The following A2ML1 variants were observed in gnomAD, a reference collection of about 807,000 sequenced individuals.
A2ML1 encodes the protein alpha-2-macroglobulin like 1, also known as alpha-2-macroglobulin-like protein 1.
A neutral mutation model predicts 181.9 loss-of-function variants in A2ML1; 161 were observed. That is an observed-to-expected ratio of 0.89 (90% CI 0.78 to 1.01). The LOEUF is 1.01. Among genes scored for constraint, A2ML1 ranks in the 50% least tolerant of loss-of-function variants. The pLI is 0.00. For missense variants in A2ML1, 1,670 were observed against 1,768.1 expected, an observed-to-expected ratio of 0.94 and a Z score of 1.00; for synonymous variants, 663 against 666.8, an observed-to-expected ratio of 0.99 and a Z score of 0.09.
rs370579753 is a variant in A2ML1, at chr12:8,835,582, C to A, written c.559C>A (p.Leu187Met). ...AGGCATTGTAGACCTGTCCTTCCAA[C>A]TGGCACCAGAGGCAATGCTGGGCAC... ...EQGIVDLSFQ[L>M]APEAMLGTYT... The change falls in exon 6 of 36, where the codon CTG (leucine) becomes ATG (methionine). Residue 187 changes from leucine (L) to methionine (M), a missense_variant. Physicochemically the swap from Leu to Met is conservative, Grantham distance 15 (BLOSUM62 2). Transcript: ENST00000299698. The A allele has an allele frequency of 6.2e-7, 1 of 1,614,200 alleles. No individual in the cohort carries two copies. The highest frequency in any genetic ancestry group is 8.5e-7 in the Non-Finnish European group (1 of 1,180,028).
chr12:8,842,050 T>G (rs1943495888), intron 11 of A2ML1, among the ~76,000 whole-genome samples: 1 of 152,170 alleles, frequency 6.6e-6, no homozygotes, highest in East Asian at 1.9e-4. Context: ...CTCTGCTGAT[T>G]TCGATTTCCA....
intron 33 of A2ML1, 45 bp downstream of exon 33, chr12:8,869,248 T>C: frequency 6.3e-7 from 1 of 1,584,802 alleles, no homozygotes; most frequent in Non-Finnish European, 8.7e-7. Flanking sequence ...TGCTTACGGA[T>C]CTTCATGACT....
intron 26 of A2ML1, among the ~76,000 whole-genome samples, chr12:8,860,297 C>T (rs1012707723): frequency 5.9e-5 from 9 of 152,180 alleles, no homozygotes; most frequent in Non-Finnish European, 1.0e-4. Flanking sequence ...TCCCCACCGA[C>T]TTGGCCTCAA....
chr12:8,861,200 C>T lies in A2ML1; in HGVS notation c.3405C>T (p.Tyr1135=), dbSNP rs769255666. The change falls in exon 28 of 36, where the codon TAC becomes TAT. Residue 1135 remains tyrosine, a synonymous_variant. Coordinates refer to ENST00000299698, the MANE Select transcript of A2ML1 (RefSeq NM_144670.6). ...CGGCCACCTCCACGACCAACCTCTA[C>T]ACACAGGCCCTGTTGGCTTACATTT... ...KNSATSTTNL[Y]TQALLAYIFS... 1.5e-5 allele frequency: 25 copies of T among 1,614,072 alleles called. No individual in the cohort carries two copies. Among genetic ancestry groups the T allele is most frequent in the Non-Finnish European group, 2.0e-5 (24 of 1,180,052 alleles).
At chr12:8,828,810 G>C (rs1252866508) in intron 3 of A2ML1, among the ~76,000 whole-genome samples, 1 of 152,174 alleles carries the variant, frequency 6.6e-6, no homozygotes, top group Non-Finnish European at 1.5e-5. Flanking sequence ...GGGCTAATCG[G>C]AACTCAGCTT....
rs1555121401 is a variant in A2ML1, at chr12:8,886,027, C to CACACAT, written c.*95-475_*95-474insTACACA. ...ACAATATCTCACACACACACACACA[C>CACACAT]ACACACACACACACACACTATAGTT... On this transcript the variant is annotated intron_variant and NMD_transcript_variant, in intron 7 of 7. Transcript: ENST00000537475. Among the ~76,000 whole-genome samples, 3 of 151,712 alleles carry CACACAT rather than the reference C, an allele frequency of 2.0e-5. No individual in the cohort carries two copies. The East Asian group carries it at 5.8e-4, about 29-fold the overall frequency.
intron 12 of A2ML1, 70 bp downstream of exon 12, chr12:8,843,431 G>A (rs1360783822): frequency 6.8e-7 from 1 of 1,481,462 alleles, no homozygotes; most frequent in Non-Finnish European, 9.2e-7. Context: ...GTCAGCCAGA[G>A]GGTGCACCTA....
intron 26 of A2ML1, among the ~76,000 whole-genome samples, chr12:8,859,263 T>C (rs904810854): frequency 5.3e-5 from 8 of 152,002 alleles, no homozygotes; most frequent in African/African-American, 1.9e-4. Flanking sequence ...ACATTGCTAT[T>C]CCAGGGCAAG....
intron 10 of A2ML1, among the ~76,000 whole-genome samples, chr12:8,839,736 T>C (rs1943404273): frequency 6.6e-6 from 1 of 152,162 alleles, no homozygotes; most frequent in African/African-American, 2.4e-5. Flanking sequence ...TTTGTTTTTC[T>C]TTCTGTTTTT....
intron 29 of A2ML1, among the ~76,000 whole-genome samples, chr12:8,865,497 C>T (rs932647998): frequency 6.6e-6 from 1 of 152,214 alleles, no homozygotes; most frequent in South Asian, 2.1e-4. Context: ...CGAGATGGCG[C>T]CATTGCACTC....
At chr12:8,846,922 C>T (rs117974316) in intron 14 of A2ML1, among the ~76,000 whole-genome samples, 295 of 151,764 alleles carry the variant, frequency 1.9e-3, no homozygotes, top group East Asian at 0.012. Context: ...GGCTGCAGAG[C>T]GAGACCCTGT....
rs771307214 is a variant in A2ML1, at chr12:8,833,085, C to T, written c.463-1577C>T. 1.7e-4 allele frequency among the ~76,000 whole-genome samples: 25 copies of T among 150,530 alleles called. No homozygotes were observed. The South Asian group carries it at 4.0e-3, about 24-fold the overall frequency. ...CCCTCCTGGGTTCAAAGGATTCTCCCGCCTCAGCCTCCCAAGTAGTTGGGT... is the reference window on the plus strand; with the variant it reads ...CCCTCCTGGGTTCAAAGGATTCTCCTGCCTCAGCCTCCCAAGTAGTTGGGT... On this transcript the variant is annotated intron_variant, in intron 4 of 35. Coordinates refer to ENST00000299698, the MANE Select transcript of A2ML1 (RefSeq NM_144670.6).
rs746100739 is a variant in A2ML1, at chr12:8,857,551, A to C, written c.3070A>C (p.Ser1024Arg). 1.2e-6 allele frequency: 2 copies of C among 1,612,158 alleles called. No homozygotes were observed. Among genetic ancestry groups the C allele is most frequent in the Admixed American group, 1.7e-5 (1 of 59,674 alleles). ...GTACAAACACAGCAATGGCTCATAC[A>C]GTGCCTTTGGGGAGCGAGATGGAAA... is the stretch of plus-strand genomic sequence containing the variant. Reference protein sequence around the residue: ...LMYKHSNGSYSAFGERDGNGN... With the variant: ...LMYKHSNGSYRAFGERDGNGN... Residue 1024 changes from serine (S) to arginine (R), a missense_variant, in exon 25 of 36, where the codon AGT becomes CGT. By Grantham distance (110) the Ser-to-Arg change is moderately radical. Transcript: ENST00000299698.
intron 21 of A2ML1, among the ~76,000 whole-genome samples, chr12:8,854,497 T>C (rs1943994045): frequency 6.6e-6 from 1 of 152,230 alleles, no homozygotes; most frequent in African/African-American, 2.4e-5. Context: ...TCTTCATCAA[T>C]AGCTGCCTTT....
In A2ML1 at chr12:8,846,057, T is replaced by G; in HGVS notation, c.1538-20T>G. The G allele has an allele frequency of 1.2e-6, 2 of 1,613,942 alleles. No homozygotes were observed. On this transcript the variant is annotated intron_variant, in intron 13 of 35. Transcript: ENST00000299698. ...GAATGTGCATTCTGATTTTCCTGTA[T>G]ATTCCCTCTTCTCTTTCAGGACTGA...
Position 8,824,287 on chromosome 12 carries a change from T to C in A2ML1, c.409+405T>C, listed in dbSNP as rs201814033. On this transcript the variant is annotated intron_variant, in intron 3 of 35. Coordinates refer to ENST00000299698, the MANE Select transcript of A2ML1 (RefSeq NM_144670.6). ...TCGTCCTTACAGGGGCACTTCATTC[T>C]GAGATTTCAAAGTCAGGCACCCTGA... 2.7e-5 allele frequency among the ~76,000 whole-genome samples: 4 copies of C among 146,682 alleles called. No homozygotes were observed. The East Asian group carries it at 8.4e-4, about 31-fold the overall frequency.
Position 8,846,172 on chromosome 12 carries a change from G to A in A2ML1, c.1633G>A (p.Val545Ile), listed in dbSNP as rs1943678031. The A allele has an allele frequency of 6.2e-7, 1 of 1,614,072 alleles. No individual in the cohort carries two copies. Among genetic ancestry groups the A allele is most frequent in the Admixed American group, 1.7e-5 (1 of 59,996 alleles). The change falls in exon 14 of 36, where the codon GTT (valine) becomes ATT (isoleucine). Residue 545 changes from valine (V) to isoleucine (I), a missense_variant. Coordinates refer to ENST00000299698, the MANE Select transcript of A2ML1 (RefSeq NM_144670.6). ...CTATGCCATTTTTCCCAGTGGAGGT[G>A]TTGTAGCTGACAAAATTCAGTTCTC... ...VIYAIFPSGG[V>I]VADKIQFSVE...
At position 8,844,991 on chromosome 12, in the gene A2ML1, C is replaced by T. The variant is rs1428751336; in HGVS notation, c.1477-451C>T. ...GGGGAGTTAGAAGAGGAGATTTCTCCTCTAGAGGGTTCAATGTCAGAAGGG... is the reference window on the plus strand; with the variant it reads ...GGGGAGTTAGAAGAGGAGATTTCTCTTCTAGAGGGTTCAATGTCAGAAGGG... On this transcript the variant is annotated intron_variant, in intron 12 of 35. Transcript: ENST00000299698. 2.1e-6 allele frequency: 3 copies of T among 1,407,572 alleles called. No individual in the cohort carries two copies. In the African/African-American group the frequency reaches 4.4e-5, roughly 20 times the overall value. The allele number at this position is 1,407,572 out of a possible 1,614,324, so 87.2% of individuals were successfully genotyped here.
In A2ML1 at chr12:8,843,358, C is replaced by T. The variant is rs2136817192; in HGVS notation, c.1473C>T (p.Tyr491=). 1 of 1,612,698 alleles carries T rather than the reference C, an allele frequency of 6.2e-7. No individual in the cohort carries two copies. Among genetic ancestry groups the T allele is most frequent in the African/African-American group, 1.3e-5 (1 of 74,986 alleles). ...ASPDQEISFS[Y]YLIGKGSLVM... ...CTGACCAAGAGATCAGCTTCTCCTA[C>T]TATGTGAGACCGGGAAACGGGGACG... The change falls in exon 12 of 36, where the codon TAC becomes TAT. Residue 491 remains tyrosine, a synonymous_variant. Coordinates refer to ENST00000299698, the MANE Select transcript of A2ML1 (RefSeq NM_144670.6).
Sources: allele counts gnomAD v4.1 joint callset (sites outside exome capture counted in the v4.1 genomes callset), GRCh38; gene constraint gnomAD v4.1.1; transcripts MANE v1.5; gene names NCBI Gene and HGNC (gene_info 2026-07-23, HGNC 2026-07-21).